SMARCC1: variants seen among roughly 807,000 people sequenced by gnomAD.
The protein encoded by SMARCC1 is SWI/SNF related BAF chromatin remodeling complex subunit C1, also known as SWI/SNF complex subunit SMARCC1.
SMARCC1 carries 43 observed loss-of-function variants against 147.4 expected under a neutral mutation model. The ratio of observed to expected loss-of-function variants is 0.29; its 90% CI spans 0.23 to 0.38. SMARCC1 has a LOEUF of 0.38. SMARCC1 is among the 10% of genes least tolerant of loss of function. The pLI is 1.00. For missense variants in SMARCC1, 1,119 were observed against 1,381.1 expected (o/e 0.81, Z 3.01); for synonymous variants, 495 against 484.4 (o/e 1.02, Z -0.29).
intron 25 of SMARCC1, among the ~76,000 whole-genome samples, chr3:47,613,782 G>A (rs1412632311): frequency 6.6e-6 from 1 of 152,118 alleles, no homozygotes; most frequent in Non-Finnish European, 1.5e-5. Flanking sequence ...GACACATCCT[G>A]AGCCCCCACT....
At chr3:47,702,977 A>G (rs2033944586) in intron 10 of SMARCC1, among the ~76,000 whole-genome samples, 1 of 152,086 alleles carries the variant, frequency 6.6e-6, no homozygotes, top group Admixed American at 6.6e-5. Context: ...CCCAGGCTGG[A>G]GAGAAGTGGC....
At chr3:47,758,517 C>T (rs1371397617) in intron 2 of SMARCC1, among the ~76,000 whole-genome samples, 1 of 152,092 alleles carries the variant, frequency 6.6e-6, no homozygotes, top group Admixed American at 6.6e-5. Flanking sequence ...GGTAACACAA[C>T]AGGGTACCAT....
At chr3:47,631,165 G>A (rs997576134) in intron 24 of SMARCC1, among the ~76,000 whole-genome samples, 1 of 151,684 alleles carries the variant, frequency 6.6e-6, no homozygotes, top group African/African-American at 2.4e-5. Context: ...AGGAGAGAGA[G>A]AAGGAAAAGA....
At chr3:47,654,871 A>G (rs1353283852) in intron 21 of SMARCC1, among the ~76,000 whole-genome samples, 1 of 152,230 alleles carries the variant, frequency 6.6e-6, no homozygotes, top group African/African-American at 2.4e-5. Flanking sequence ...AGGCCTCCAC[A>G]ACCCAAACAC....
Position 47,638,799 on chromosome 3 carries a change from G to C in SMARCC1, c.2321-19C>G, listed in dbSNP as rs781705860. On this transcript the variant is annotated intron_variant, in intron 21 of 27. Transcript: ENST00000254480. ...GCTCCTTCTACAAGTAAAAGAATAA[G>C]AACAAGTACTCCAATGTGGAAAAAG... 5 of 1,580,864 alleles carry C rather than the reference G, an allele frequency of 3.2e-6. No individual in the cohort carries two copies. In the African/African-American group the frequency reaches 6.7e-5, roughly 21 times the overall value.
chr3:47,687,562 T>C (rs1265181785), intron 13 of SMARCC1, among the ~76,000 whole-genome samples: 1 of 152,204 alleles, frequency 6.6e-6, no homozygotes, highest in Non-Finnish European at 1.5e-5. Context: ...CTCTTATCTT[T>C]GGCATTAAAA....
chr3:47,726,715 AC>A (rs2034304347), intron 6 of SMARCC1, among the ~76,000 whole-genome samples: 1 of 152,234 alleles, frequency 6.6e-6, no homozygotes, highest in African/African-American at 2.4e-5. Context: ...ACTAAGCAAA[AC>A]AAATTAATCA....
At chr3:47,632,136 G>A (rs2032900147) in intron 24 of SMARCC1, among the ~76,000 whole-genome samples, 1 of 152,142 alleles carries the variant, frequency 6.6e-6, no homozygotes, top group African/African-American at 2.4e-5. Flanking sequence ...GAATAGTGAA[G>A]GGGCAGGCCA....
rs143380269 is a variant in SMARCC1, at chr3:47,754,234, C to T, written c.316-8241G>A. ...TTTTTTTTTTTTTGAGACTGAGTCT[C>T]GCTCTGTCGCCAGGCTGGAGTGCAG... On this transcript the variant is annotated intron_variant, in intron 2 of 27. Coordinates refer to ENST00000254480, the MANE Select transcript of SMARCC1 (RefSeq NM_003074.4). Among the ~76,000 whole-genome samples, 698 of 149,526 alleles carry T rather than the reference C, an allele frequency of 4.7e-3. 5 individuals carry two copies. The highest frequency in any genetic ancestry group is 0.032 in the South Asian group (152 of 4,710).
intron 2 of SMARCC1, among the ~76,000 whole-genome samples, chr3:47,759,973 G>A (rs995546337): frequency 6.6e-6 from 1 of 151,658 alleles, no homozygotes; most frequent in Non-Finnish European, 1.5e-5. Flanking sequence ...GTATCAGCCC[G>A]TACACAGCAA....
rs370248258 is a variant in SMARCC1 at position 47,670,732 on chromosome 3, T to C, written c.1840-15A>G. 2.3e-5 allele frequency: 35 copies of C among 1,523,324 alleles called. No homozygotes were observed. In the Admixed American group the frequency reaches 4.8e-4, roughly 21 times the overall value. 94.4% of individuals were successfully genotyped at this position (1,523,324 alleles called of 1,614,324 possible). Reference sequence around the variant, plus strand: ...GCACCTTTACTCTAAGGAAACAAAATCAGAAATTATTTGCTCATTTTTAAA... The same window carrying C: ...GCACCTTTACTCTAAGGAAACAAAACCAGAAATTATTTGCTCATTTTTAAA... On this transcript the variant is annotated splice_polypyrimidine_tract_variant and intron_variant, in intron 18 of 27. Coordinates refer to ENST00000254480, the MANE Select transcript of SMARCC1 (RefSeq NM_003074.4).
chr3:47,661,526 C>T lies in SMARCC1; in HGVS notation c.2159-71G>A, dbSNP rs2033347405. 2.5e-6 allele frequency: 3 copies of T among 1,215,924 alleles called. No individual in the cohort carries two copies. In the South Asian group the frequency reaches 4.1e-5, roughly 17 times the overall value. The allele number at this position is 1,215,924 out of a possible 1,614,324, so 75.3% of individuals were successfully genotyped here. On this transcript the variant is annotated intron_variant, in intron 20 of 27. Transcript: ENST00000254480. Reference sequence around the variant, plus strand: ...AATTTGCTTCAGTGTAAAACCACCACCAGGAAACCCAACACAGTATTATTG... The same window carrying T: ...AATTTGCTTCAGTGTAAAACCACCATCAGGAAACCCAACACAGTATTATTG...
rs2032101707 is a variant in SMARCC1 at position 47,588,025 on chromosome 3, AG to A, written c.*183del. On this transcript the variant is annotated 3_prime_UTR_variant, in exon 28 of 28. Coordinates refer to ENST00000254480, the MANE Select transcript of SMARCC1 (RefSeq NM_003074.4). ...CAGGTTTCCCCTTGAGTGTTGGCTG[AG>A]GACCCAACACAAAAAGTGTCAGAGA... 1 of 583,878 alleles carries A rather than the reference AG, an allele frequency of 1.7e-6. No homozygotes were observed. Among genetic ancestry groups the A allele is most frequent in the Non-Finnish European group, 3.0e-6 (1 of 328,734 alleles). 36.2% of individuals were successfully genotyped at this position (583,878 alleles called of 1,614,324 possible). A position where few individuals can be genotyped will look rare whatever the true frequency, so the allele number is the denominator to read the frequency against.
At chr3:47,594,020 C>T (rs2032227918) in intron 26 of SMARCC1, among the ~76,000 whole-genome samples, 1 of 152,098 alleles carries the variant, frequency 6.6e-6, no homozygotes. Context: ...CAAAAATTAG[C>T]TGGGCTTAGT....
At chr3:47,780,176 T>G (rs1246615385) in intron 1 of SMARCC1, among the ~76,000 whole-genome samples, 11 of 138,246 alleles carry the variant, frequency 8.0e-5, no homozygotes, top group African/African-American at 2.7e-4. Context: ...TTGTTTTTTT[T>G]TTTTTTTTTT....
intron 6 of SMARCC1, among the ~76,000 whole-genome samples, chr3:47,722,293 A>ATTTTTTTTTTT (rs34260316): frequency 3.7e-5 from 4 of 107,080 alleles, no homozygotes; most frequent in Admixed American, 1.1e-4. Flanking sequence ...ACAAATTTTG[A>ATTTTTTTTTTT]TTTTTTTTTT....
At chr3:47,644,086 G>C (rs1330888443) in intron 21 of SMARCC1, among the ~76,000 whole-genome samples, 2 of 152,154 alleles carry the variant, frequency 1.3e-5, no homozygotes, top group South Asian at 4.1e-4. Context: ...GGAGGCCGAG[G>C]AAAAGGGACT....
At chr3:47,773,079 A>G (rs891608893) in intron 1 of SMARCC1, 143 bp from the exon 2 acceptor site, 21 of 585,958 alleles carry the variant, frequency 3.6e-5, no homozygotes, top group Non-Finnish European at 5.8e-5. Flanking sequence ...AAAGGAGCTT[A>G]CAAAAACAAA....
At chr3:47,633,767 T>TAAAA (rs1351115799) in intron 24 of SMARCC1, among the ~76,000 whole-genome samples, 1 of 38,924 alleles carries the variant, frequency 2.6e-5, no homozygotes, top group African/African-American at 1.2e-4. Context: ...AAAAAAAATA[T>TAAAA]ATATATATAT....
Sources: allele counts gnomAD v4.1 joint callset (sites outside exome capture counted in the v4.1 genomes callset), GRCh38; gene constraint gnomAD v4.1.1; transcripts MANE v1.5; gene names NCBI Gene and HGNC (gene_info 2026-07-23, HGNC 2026-07-21).